Variants in PVT1 observed in about 807,000 individuals in gnomAD.
PVT1 encodes the protein CXCR4/PVT1 fusion.
intron 6 of PVT1, among the ~76,000 whole-genome samples, chr8:128,098,994 C>G (rs140330117): frequency 2.0e-5 from 3 of 152,194 alleles, no homozygotes; most frequent in East Asian, 3.9e-4. Flanking sequence ...ATTAATTTCA[C>G]GAAAGTTATC....
At chr8:127,937,249 TTTTTCTTTTCTTTTTTC>T (rs913421746) in intron 3 of PVT1, among the ~76,000 whole-genome samples, 3 of 78,246 alleles carry the variant, frequency 3.8e-5, no homozygotes, top group Non-Finnish European at 6.9e-5. Context: ...TAATTCATTG[TTTTTCTTTTCTTTTTTC>T]TTTTCTTTTC....
intron 4 of PVT1, among the ~76,000 whole-genome samples, chr8:128,032,561 A>G (rs1813404545): frequency 6.6e-6 from 1 of 152,214 alleles, no homozygotes; most frequent in African/African-American, 2.4e-5. Context: ...TAATTGCGTC[A>G]GTTAATTTTT....
At chr8:127,953,757 T>C (rs1466024871) in intron 3 of PVT1, among the ~76,000 whole-genome samples, 3 of 152,198 alleles carry the variant, frequency 2.0e-5, no homozygotes, top group Non-Finnish European at 2.9e-5. Flanking sequence ...GTGAGCTCAT[T>C]TCTATGTGGA....
At chr8:128,058,961 G>A (rs1813797608) in intron 4 of PVT1, among the ~76,000 whole-genome samples, 2 of 152,156 alleles carry the variant, frequency 1.3e-5, no homozygotes, top group Admixed American at 1.3e-4. Context: ...ACTGCTTACT[G>A]TGTAGTGAGT....
chr8:127,926,917 C>T (rs987515777), intron 3 of PVT1, among the ~76,000 whole-genome samples: 4 of 152,160 alleles, frequency 2.6e-5, no homozygotes, highest in African/African-American at 4.8e-5. Flanking sequence ...TAATCGGACA[C>T]GAGGAAAGGT....
At chr8:128,023,013 T>G (rs1439181837) in intron 4 of PVT1, among the ~76,000 whole-genome samples, 1 of 151,864 alleles carries the variant, frequency 6.6e-6, no homozygotes, top group Non-Finnish European at 1.5e-5. Flanking sequence ...ATTACAGGAG[T>G]GCACCACCAC....
chr8:128,042,949 A>T (rs979637456), intron 4 of PVT1, among the ~76,000 whole-genome samples: 4 of 151,980 alleles, frequency 2.6e-5, no homozygotes, highest in African/African-American at 9.7e-5. Flanking sequence ...TTTTTAGTAG[A>T]GACAGGGTTT....
At chr8:128,000,375 C>T (rs114597356) in intron 4 of PVT1, among the ~76,000 whole-genome samples, 3,264 of 152,286 alleles carry the variant, frequency 0.021, 111 homozygotes, top group African/African-American at 0.074. Context: ...GGGCTTGGTG[C>T]AGAACTGGAA....
chr8:128,081,556 T>C (rs937599705), intron 5 of PVT1, among the ~76,000 whole-genome samples: 5 of 152,158 alleles, frequency 3.3e-5, no homozygotes, highest in African/African-American at 1.2e-4. Context: ...GGGTTGGGGG[T>C]TATTAGCCTT....
chr8:127,897,592 G>T (rs552722311), intron 3 of PVT1, among the ~76,000 whole-genome samples: 1 of 142,558 alleles, frequency 7.0e-6, no homozygotes, highest in South Asian at 2.2e-4. Flanking sequence ...AAAGAAGAGA[G>T]GGAGAGGAAG....
intron 4 of PVT1, among the ~76,000 whole-genome samples, chr8:128,055,210 T>C (rs893059873): frequency 3.3e-5 from 5 of 152,206 alleles, no homozygotes; most frequent in African/African-American, 1.2e-4. Flanking sequence ...CTATTGGTTC[T>C]ATTTCTTTGG....
intron 4 of PVT1, among the ~76,000 whole-genome samples, chr8:127,997,101 G>T (rs1357370730): frequency 1.4e-5 from 2 of 145,122 alleles, no homozygotes; most frequent in African/African-American, 2.6e-5. Context: ...GTTGCCTAGG[G>T]TGGAGTACAA....
At chr8:127,799,330 A>G (rs925709333) in intron 2 of PVT1, among the ~76,000 whole-genome samples, 1 of 152,172 alleles carries the variant, frequency 6.6e-6, no homozygotes, top group Non-Finnish European at 1.5e-5. Context: ...AGGCTGAGGC[A>G]GGAGGATTGC....
chr8:127,993,488 A>G (rs949497475), intron 4 of PVT1, among the ~76,000 whole-genome samples: 1 of 152,224 alleles, frequency 6.6e-6, no homozygotes. Context: ...AGAATAGTCA[A>G]TTCTTATCCT....
chr8:127,887,873 G>GGAAA (rs1815543637), intron 2 of PVT1, among the ~76,000 whole-genome samples: 2 of 147,170 alleles, frequency 1.4e-5, no homozygotes, highest in Non-Finnish European at 3.0e-5. Flanking sequence ...CTCTCAGAAT[G>GGAAA]GAAAGAAAAC....
At chr8:128,041,380 CAT>C (rs1412327640) in intron 4 of PVT1, among the ~76,000 whole-genome samples, 3 of 139,880 alleles carry the variant, frequency 2.1e-5, no homozygotes, top group African/African-American at 8.1e-5. Context: ...TGTTTGTGTG[CAT>C]ATGTGTATGT....
At chr8:128,020,451 G>T (rs1167603359) in intron 4 of PVT1, among the ~76,000 whole-genome samples, 2 of 152,192 alleles carry the variant, frequency 1.3e-5, no homozygotes, top group African/African-American at 4.8e-5. Flanking sequence ...TGCCACTGCT[G>T]GCTCTGAAAT....
chr8:128,061,615 C>T (rs1813831393), intron 4 of PVT1, among the ~76,000 whole-genome samples: 1 of 152,198 alleles, frequency 6.6e-6, no homozygotes, highest in Non-Finnish European at 1.5e-5. Flanking sequence ...GTTTTACATT[C>T]CCACTAGAAG....
chr8:127,828,334 A>G (rs1814814010), intron 2 of PVT1, among the ~76,000 whole-genome samples: 1 of 152,186 alleles, frequency 6.6e-6, no homozygotes, highest in Admixed American at 6.5e-5. Flanking sequence ...AGTTCTGAGT[A>G]GGTGAGACTT....
Sources: gnomAD v4.1 joint callset for allele counts (sites outside exome capture counted in the v4.1 genomes callset) on GRCh38, gnomAD v4.1.1 for gene constraint, MANE v1.5 for transcripts, NCBI Gene and HGNC (gene_info 2026-07-23, HGNC 2026-07-21) for gene names.